The following GALNT13 variants were observed in gnomAD, a reference collection of about 807,000 sequenced individuals.
GALNT13 encodes polypeptide N-acetylgalactosaminyltransferase 13.
Under a neutral mutation model 64.2 loss-of-function variants are expected in GALNT13, and 28 were observed. That is an observed-to-expected ratio of 0.44 (90% CI 0.32 to 0.60). GALNT13 has a LOEUF of 0.60. Ranked by LOEUF, GALNT13 falls within the 20% of genes least tolerant of loss-of-function variation. The probability of loss-of-function intolerance (pLI) is 0.05; values close to 1 mark genes in which losing one functional copy is unlikely to be tolerated. For missense variants in GALNT13, 577 were observed against 669.8 expected, an observed-to-expected ratio of 0.86 and a Z score of 1.53; for synonymous variants, 214 against 224.6, an observed-to-expected ratio of 0.95 and a Z score of 0.42.
intron 2 of GALNT13, among the ~76,000 whole-genome samples, chr2:153,918,966 C>CA (rs1574113653): frequency 6.6e-6 from 1 of 152,118 alleles, no homozygotes; most frequent in East Asian, 1.9e-4. Context: ...GAAGCTGCTT[C>CA]AAGCTCACCA....
chr2:153,226,540 T>C, the GALNT13 span, among the ~76,000 whole-genome samples: 1 of 152,188 alleles, frequency 6.6e-6, no homozygotes, highest in Non-Finnish European at 1.5e-5. Context: ...AATGGTACTT[T>C]ACCTTGTGAG....
chr2:154,214,263 T>C (rs1005343047), intron 4 of GALNT13, among the ~76,000 whole-genome samples: 11 of 152,202 alleles, frequency 7.2e-5, no homozygotes, highest in Non-Finnish European at 1.5e-4. Flanking sequence ...GTCTTCCTCT[T>C]TGTTCTAAGC....
At chr2:153,316,876 A>G in the GALNT13 span, among the ~76,000 whole-genome samples, 184 of 152,296 alleles carry the variant, frequency 1.2e-3, 2 homozygotes, top group African/African-American at 4.3e-3. Context: ...GACAACTTCT[A>G]GAGCAACAAA....
At chr2:153,217,669 TTAA>T in the GALNT13 span, among the ~76,000 whole-genome samples, 2 of 62,802 alleles carry the variant, frequency 3.2e-5, no homozygotes, top group Non-Finnish European at 7.6e-5. Context: ...AGCATTTCCG[TTAA>T]TTATTTCTTA....
the GALNT13 span, among the ~76,000 whole-genome samples, chr2:153,538,016 A>G: frequency 6.6e-6 from 1 of 152,178 alleles, no homozygotes; most frequent in Non-Finnish European, 1.5e-5. Flanking sequence ...GAACTGGGTA[A>G]CAGGCAGAGG....
intron 4 of GALNT13, among the ~76,000 whole-genome samples, chr2:154,215,362 CT>C (rs35478321): frequency 0.47 from 70,659 of 151,904 alleles, 17,314 homozygotes; most frequent in Middle Eastern, 0.61. Flanking sequence ...TCAAACCCCT[CT>C]TGCTTTATTT....
At chr2:153,958,042 C>G (rs1245918429) in intron 3 of GALNT13, among the ~76,000 whole-genome samples, 2 of 152,208 alleles carry the variant, frequency 1.3e-5, no homozygotes, top group Non-Finnish European at 2.9e-5. Context: ...CGTTAGGTAT[C>G]TCCTGCAATG....
the GALNT13 span, among the ~76,000 whole-genome samples, chr2:153,147,509 G>T: frequency 6.7e-6 from 1 of 150,310 alleles, no homozygotes; most frequent in African/African-American, 2.5e-5. Context: ...TTGTCACCTC[G>T]CATTCTCTTC....
chr2:153,346,343 A>G, the GALNT13 span, among the ~76,000 whole-genome samples: 1 of 152,114 alleles, frequency 6.6e-6, no homozygotes, highest in African/African-American at 2.4e-5. Flanking sequence ...AATTGCTTTT[A>G]GAGACTAGTT....
At chr2:153,787,403 A>G in the GALNT13 span, among the ~76,000 whole-genome samples, 2 of 152,190 alleles carry the variant, frequency 1.3e-5, no homozygotes, top group African/African-American at 4.8e-5. Context: ...CCCTGTACAA[A>G]GGCTCAGTCC....
chr2:153,304,285 T>C, the GALNT13 span, among the ~76,000 whole-genome samples: 2 of 151,800 alleles, frequency 1.3e-5, no homozygotes, highest in East Asian at 1.9e-4. Context: ...TTTGTAGAAA[T>C]TAGTAAGGAT....
the GALNT13 span, among the ~76,000 whole-genome samples, chr2:153,715,662 G>T: frequency 6.6e-6 from 1 of 152,170 alleles, no homozygotes; most frequent in Non-Finnish European, 1.5e-5. Context: ...AAGCATTCCA[G>T]CAGGCTTGGC....
chr2:153,510,468 C>A, the GALNT13 span, among the ~76,000 whole-genome samples: 1 of 152,092 alleles, frequency 6.6e-6, no homozygotes, highest in African/African-American at 2.4e-5. Flanking sequence ...TCTGAGAAGA[C>A]TGGAAACAAA....
upstream of GALNT13, among the ~76,000 whole-genome samples, chr2:153,871,411 G>A (rs1685918553): frequency 6.6e-6 from 1 of 152,136 alleles, no homozygotes; most frequent in African/African-American, 2.4e-5. Flanking sequence ...TCTGCGGAGG[G>A]CGCCGAAGCG....
chr2:154,379,502 C>G (rs1320510186), intron 9 of GALNT13, among the ~76,000 whole-genome samples: 1 of 151,936 alleles, frequency 6.6e-6, no homozygotes. Flanking sequence ...CTAATAGTCT[C>G]CTACATATTC....
Position 153,921,566 on chromosome 2 carries a change from A to G in GALNT13, c.-105+20559A>G, listed in dbSNP as rs183316916. Among the ~76,000 whole-genome samples the G allele has an allele frequency of 2.9e-3, 446 of 152,254 alleles. 2 individuals are homozygous for G. The highest frequency in any genetic ancestry group is 0.01 in the African/African-American group (433 of 41,568). On this transcript the variant is annotated intron_variant, in intron 2 of 12. Transcript: ENST00000392825. ...ATCTGTACACCAGTCCCCTGTGACA[A>G]GCAATTTACCTGTATAACAAAACTG... is the stretch of plus-strand genomic sequence containing the variant.
chr2:153,362,294 A>T, the GALNT13 span, among the ~76,000 whole-genome samples: 2 of 151,956 alleles, frequency 1.3e-5, no homozygotes, highest in Admixed American at 6.6e-5. Context: ...CAATGACACT[A>T]TGACACTACG....
chr2:153,314,482 A>T, the GALNT13 span, among the ~76,000 whole-genome samples: 2 of 152,268 alleles, frequency 1.3e-5, no homozygotes, highest in Admixed American at 6.5e-5. Context: ...TGGAATATAC[A>T]TTTTATTTTT....
chr2:153,483,410 C>CTTTT, the GALNT13 span, among the ~76,000 whole-genome samples: 133 of 71,608 alleles, frequency 1.9e-3, no homozygotes, highest in Non-Finnish European at 2.4e-3. Flanking sequence ...GAATAAAATT[C>CTTTT]TTTTTTTTTT....
Sources: allele counts gnomAD v4.1 joint callset (sites outside exome capture counted in the v4.1 genomes callset), GRCh38; gene constraint gnomAD v4.1.1; transcripts MANE v1.5; gene names NCBI Gene and HGNC (gene_info 2026-07-23, HGNC 2026-07-21).